Variants in MSRA observed in about 807,000 individuals in gnomAD.
MSRA encodes methionine sulfoxide reductase A.
Under a neutral mutation model 31.3 loss-of-function variants are expected in MSRA, and 54 were observed. The ratio of observed to expected loss-of-function variants is 1.73; its 90% CI spans 1.39 to 2.17. The LOEUF (loss-of-function observed/expected upper bound fraction) is 2.17. Among genes scored for constraint, MSRA ranks in the 30% most tolerant of loss-of-function variants. The pLI, the probability that MSRA is intolerant of heterozygous loss-of-function variation, is 0.00. For missense variants in MSRA, 507 were observed against 300.9 expected (o/e 1.69, Z -5.07); for synonymous variants, 169 against 116.5 (o/e 1.45, Z -2.90).
intron 1 of MSRA, chr8:10,095,910 A>C (rs1799127243): frequency 1.5e-6 from 2 of 1,334,104 alleles, no homozygotes; most frequent in South Asian, 4.8e-5. Context: ...GAGAGACAGG[A>C]TTAATATAGA....
chr8:10,215,088 G>A (rs935510120), intron 2 of MSRA, among the ~76,000 whole-genome samples: 4 of 152,162 alleles, frequency 2.6e-5, no homozygotes, highest in African/African-American at 7.2e-5. Flanking sequence ...GGATGGCACA[G>A]AATCCATTGT....
rs529421172 is a variant in MSRA at position 10,403,970 on chromosome 8, C to T, written c.544-24178C>T. Among the ~76,000 whole-genome samples the T allele has an allele frequency of 6.6e-5, 10 of 152,320 alleles. No homozygotes were observed. In the South Asian group the frequency reaches 2.1e-3, roughly 32 times the overall value. Reference sequence around the variant, plus strand: ...TGACCCATGAGCATTTAAGAGATGACAATGACGTAATTAAAATGTGTTGGG... The same window carrying T: ...TGACCCATGAGCATTTAAGAGATGATAATGACGTAATTAAAATGTGTTGGG... On this transcript the variant is annotated intron_variant, in intron 5 of 5. Transcript: ENST00000317173.
chr8:10,118,608 G>A (rs1463495891), intron 1 of MSRA, among the ~76,000 whole-genome samples: 4 of 151,886 alleles, frequency 2.6e-5, no homozygotes, highest in Admixed American at 6.6e-5. Context: ...CCACCGCTCC[G>A]CCCACACCCT....
At chr8:10,423,060 G>A (rs773209561) in intron 5 of MSRA, among the ~76,000 whole-genome samples, 5 of 152,256 alleles carry the variant, frequency 3.3e-5, no homozygotes, top group Admixed American at 1.3e-4. Flanking sequence ...ATTGGAAGGC[G>A]CCTAAAGATT....
intron 2 of MSRA, among the ~76,000 whole-genome samples, chr8:10,228,958 C>G (rs1039496404): frequency 2.6e-5 from 4 of 152,068 alleles, no homozygotes; most frequent in African/African-American, 7.2e-5. Flanking sequence ...TTTATTTACT[C>G]ACTGATCACA....
intron 3 of MSRA, among the ~76,000 whole-genome samples, chr8:10,247,204 C>G (rs1055212199): frequency 6.6e-6 from 1 of 152,186 alleles, no homozygotes; most frequent in Non-Finnish European, 1.5e-5. Context: ...TTGCTTTTCT[C>G]TAAGCAGTTC....
At chr8:10,413,818 C>T (rs1041636929) in intron 5 of MSRA, among the ~76,000 whole-genome samples, 7 of 152,178 alleles carry the variant, frequency 4.6e-5, no homozygotes, top group East Asian at 1.9e-4. Flanking sequence ...GGGGGAAAAA[C>T]GGTGATGGTT....
rs996434277 is a variant in MSRA, at chr8:10,342,693, G to A, written c.543+22704G>A. Among the ~76,000 whole-genome samples the A allele has an allele frequency of 3.9e-5, 6 of 152,160 alleles. No homozygotes were observed. In the East Asian group the frequency reaches 9.6e-4, roughly 24 times the overall value. ...AGCGCAGTTCCCTGGCCTTACAGAC[G>A]AGGAACCTGAGCCCCAAAGAGGTAA... On this transcript the variant is annotated intron_variant, in intron 5 of 5. Transcript: ENST00000317173.
Position 10,141,271 on chromosome 8 carries a change from C to A in MSRA, c.143-66562C>A, listed in dbSNP as rs566143417. 3.3e-5 allele frequency among the ~76,000 whole-genome samples: 5 copies of A among 152,284 alleles called. No homozygotes were observed. The South Asian group carries it at 1.0e-3, about 32-fold the overall frequency. On this transcript the variant is annotated intron_variant, in intron 1 of 5. Coordinates refer to ENST00000317173, the MANE Select transcript of MSRA (RefSeq NM_012331.5). Reference sequence around the variant, plus strand: ...TCACGCCTTATAATCCTCACATCACCGTCGGGAGGCCTGTGCAACTGCCAT... The same window carrying A: ...TCACGCCTTATAATCCTCACATCACAGTCGGGAGGCCTGTGCAACTGCCAT...
At chr8:10,226,944 C>G (rs1217593154) in intron 2 of MSRA, among the ~76,000 whole-genome samples, 2 of 152,162 alleles carry the variant, frequency 1.3e-5, no homozygotes, top group East Asian at 1.9e-4. Context: ...AACCACTTGC[C>G]TTCCAGCAGC....
chr8:10,193,806 G>C (rs1000888411), intron 1 of MSRA, among the ~76,000 whole-genome samples: 8 of 152,156 alleles, frequency 5.3e-5, no homozygotes, highest in African/African-American at 1.9e-4. Context: ...ATCTCAGAAT[G>C]ACAGGTCCTT....
chr8:10,389,304 G>C (rs1806587989), intron 5 of MSRA, among the ~76,000 whole-genome samples: 1 of 152,226 alleles, frequency 6.6e-6, no homozygotes, highest in Non-Finnish European at 1.5e-5. Context: ...TAGAGTTCTA[G>C]AGGAAGGATT....
At chr8:10,259,094 C>G (rs968502816) in intron 3 of MSRA, among the ~76,000 whole-genome samples, 24 of 145,782 alleles carry the variant, frequency 1.6e-4, no homozygotes, top group Non-Finnish European at 7.5e-5. Context: ...GTGACAGAGA[C>G]TCTGTCAAAG....
chr8:10,176,533 G>A (rs1259855618), intron 1 of MSRA, among the ~76,000 whole-genome samples: 1 of 152,148 alleles, frequency 6.6e-6, no homozygotes, highest in Admixed American at 6.5e-5. Context: ...TAGGGTCCAG[G>A]GCTGAATGCT....
At position 10,089,998 on chromosome 8, in the gene MSRA, G is replaced by C. The variant is rs368455007; in HGVS notation, c.142+35340G>C. Among the ~76,000 whole-genome samples the C allele has an allele frequency of 9.9e-4, 151 of 152,310 alleles. 1 individual carries two copies. The highest frequency in any genetic ancestry group is 3.4e-3 in the African/African-American group (142 of 41,558). On this transcript the variant is annotated intron_variant, in intron 1 of 5. Coordinates refer to ENST00000317173, the MANE Select transcript of MSRA (RefSeq NM_012331.5). ...GTATCAAATTTCAACATGAGACTTG[G>C]TGGGGACAAGCAAACCACATCCAAA...
chr8:10,074,239 T>A (rs1003349912), intron 1 of MSRA, among the ~76,000 whole-genome samples: 2 of 151,712 alleles, frequency 1.3e-5, no homozygotes, highest in Admixed American at 6.6e-5. Context: ...CCCGCCACCA[T>A]GCCCAGCTAA....
At chr8:10,250,356 C>G in intron 3 of MSRA, 2 of 696,312 alleles carry the variant, frequency 2.9e-6, no homozygotes, top group Admixed American at 2.0e-5. Context: ...TACAAATACC[C>G]CATTTCTGGC....
At chr8:10,387,709 A>T (rs113216493) in intron 5 of MSRA, among the ~76,000 whole-genome samples, 4 of 152,318 alleles carry the variant, frequency 2.6e-5, no homozygotes, top group African/African-American at 9.6e-5. Context: ...GAATACAGAA[A>T]AAGCCTGTCT....
At chr8:10,332,342 A>G (rs1802750052) in intron 5 of MSRA, among the ~76,000 whole-genome samples, 1 of 152,196 alleles carries the variant, frequency 6.6e-6, no homozygotes, top group Admixed American at 6.5e-5. Flanking sequence ...CTTCGTCTTT[A>G]AAAAATTTTT....
Sources: gnomAD v4.1 joint callset for allele counts (sites outside exome capture counted in the v4.1 genomes callset) on GRCh38, gnomAD v4.1.1 for gene constraint, MANE v1.5 for transcripts, NCBI Gene and HGNC (gene_info 2026-07-23, HGNC 2026-07-21) for gene names.